GMEB1: variants seen among roughly 807,000 people sequenced by gnomAD.
The protein encoded by GMEB1 is glucocorticoid modulatory element-binding protein 1.
In GMEB1, 6 loss-of-function variants were observed where a neutral mutation model predicts 52.4. The observed-to-expected ratio is 0.11, with a 90% CI of 0.06 to 0.23. GMEB1 has a LOEUF of 0.23. Among genes scored for constraint, GMEB1 ranks in the 10% least tolerant of loss-of-function variants. GMEB1 has a pLI of 1.00. For synonymous variants in GMEB1, 255 were observed against 244.9 expected (o/e 1.04, Z -0.38); for missense variants, 486 against 685.6 (o/e 0.71, Z 3.25).
At chr1:28,705,102 A>C (rs1042390412) in intron 8 of GMEB1, among the ~76,000 whole-genome samples, 75 of 150,260 alleles carry the variant, frequency 5.0e-4, no homozygotes, top group African/African-American at 1.1e-3. Context: ...AAAAAAAAAA[A>C]CACAGGCCAG....
intron 8 of GMEB1, among the ~76,000 whole-genome samples, chr1:28,706,522 T>G (rs1281270947): frequency 1.3e-5 from 2 of 151,026 alleles, no homozygotes; most frequent in African/African-American, 2.4e-5. Flanking sequence ...GAGAATCGCT[T>G]GAACCCGGCA....
intron 5 of GMEB1, among the ~76,000 whole-genome samples, chr1:28,696,365 C>T (rs1189540576): frequency 6.6e-6 from 1 of 152,084 alleles, no homozygotes; most frequent in Non-Finnish European, 1.5e-5. Context: ...CTGCACCTGG[C>T]TGAGGAATAC....
chr1:28,673,263 CGTTT>C lies in GMEB1; in HGVS notation c.-31+4433_-31+4436del, dbSNP rs377053798. Among the ~76,000 whole-genome samples, 402 of 150,156 alleles carry C rather than the reference CGTTT, an allele frequency of 2.7e-3. 2 individuals are homozygous for C. Among genetic ancestry groups the C allele is most frequent in the African/African-American group, 9.2e-3 (378 of 40,902 alleles). ...AATCATGTGACACTTGTCCATTTTTCGTTTGTTTGTTTTTTTGAGATGGAGTTTC... is the reference window on the plus strand; with the variant it reads ...AATCATGTGACACTTGTCCATTTTTCGTTTGTTTTTTTGAGATGGAGTTTC... On this transcript the variant is annotated intron_variant, in intron 1 of 9. Coordinates refer to ENST00000373816, the MANE Select transcript of GMEB1 (RefSeq NM_001319674.2).
intron 5 of GMEB1, among the ~76,000 whole-genome samples, chr1:28,694,190 A>ATTT (rs569803893): frequency 2.2e-5 from 3 of 136,808 alleles, no homozygotes; most frequent in Non-Finnish European, 3.2e-5. Context: ...GTGTTGTAGG[A>ATTT]TTTTTTTTTT....
intron 1 of GMEB1, among the ~76,000 whole-genome samples, chr1:28,672,197 T>TTTTTTTTATTTA (rs1553134141): frequency 1.5e-5 from 2 of 136,038 alleles, no homozygotes; most frequent in Non-Finnish European, 3.1e-5. Context: ...TAACTTTTAT[T>TTTTTTTTATTTA]TTTATTTATT....
In GMEB1 at chr1:28,714,486, A is replaced by T. The variant is rs1421964192; in HGVS notation, c.1405A>T (p.Met469Leu). Residue 469 changes from methionine to leucine, a missense_variant, in exon 10 of 10, where the codon ATG (methionine) becomes TTG (leucine). Transcript: ENST00000373816. ...SSLALLSSTA[M>L]QDGSTLGNMT... ...CTTGGCGCTGCTGAGCTCTACTGCC[A>T]TGCAGGATGGGAGTACACTGGGCAA... The T allele has an allele frequency of 6.2e-7, 1 of 1,614,110 alleles. No individual in the cohort carries two copies. Among genetic ancestry groups the T allele is most frequent in the Non-Finnish European group, 8.5e-7 (1 of 1,180,050 alleles).
rs561899434 is a variant in GMEB1 at position 28,672,034 on chromosome 1, C to T, written c.-31+3195C>T. 3.0e-4 allele frequency among the ~76,000 whole-genome samples: 46 copies of T among 150,954 alleles called. No individual in the cohort carries two copies. The South Asian group carries it at 9.2e-3, about 30-fold the overall frequency. The stretch of plus-strand genomic sequence containing the variant: ...TTGGGAGGCAGGAGAATTGCTTGAA[C>T]TTGGGAGGCGGAAGTTGCAGTGAGC... On this transcript the variant is annotated intron_variant, in intron 1 of 9. Coordinates refer to ENST00000373816, the MANE Select transcript of GMEB1 (RefSeq NM_001319674.2).
chr1:28,678,856 G>C (rs909722346), intron 1 of GMEB1, among the ~76,000 whole-genome samples: 3 of 152,080 alleles, frequency 2.0e-5, no homozygotes, highest in African/African-American at 7.2e-5. Flanking sequence ...CAAAGTGCTA[G>C]GTATCAGCCA....
At chr1:28,709,997 A>G (rs1019911183) in intron 8 of GMEB1, among the ~76,000 whole-genome samples, 1 of 151,992 alleles carries the variant, frequency 6.6e-6, no homozygotes. Context: ...AACTACAAAA[A>G]TTAGGCAGGC....
intron 2 of GMEB1, among the ~76,000 whole-genome samples, chr1:28,687,350 ACACACACACACACACACACAC>A (rs1669696568): frequency 2.3e-5 from 1 of 44,070 alleles, no homozygotes; most frequent in African/African-American, 9.1e-5. Flanking sequence ...ACACACACAC[ACACACACACACACACACACAC>A]ACACACACAC....
chr1:28,704,595 C>G (rs1670658232), intron 8 of GMEB1, among the ~76,000 whole-genome samples: 1 of 151,838 alleles, frequency 6.6e-6, no homozygotes, highest in South Asian at 2.1e-4. Context: ...GATGCTTTGT[C>G]TCCACAAAAA....
At chr1:28,710,244 A>G (rs892629602) in intron 8 of GMEB1, among the ~76,000 whole-genome samples, 9 of 152,152 alleles carry the variant, frequency 5.9e-5, no homozygotes, top group Non-Finnish European at 1.0e-4. Flanking sequence ...GCCTCAAGCA[A>G]TGCTCCCGCC....
At chr1:28,697,145 T>G in intron 6 of GMEB1, 61 bp downstream of exon 6, 10 of 733,900 alleles carry the variant, frequency 1.4e-5, no homozygotes, top group Non-Finnish European at 2.1e-5. Flanking sequence ...TTCCCCCTTA[T>G]TTCTCCCTTG....
intron 6 of GMEB1, among the ~76,000 whole-genome samples, chr1:28,701,236 G>T (rs1197043055): frequency 7.2e-6 from 1 of 139,752 alleles, no homozygotes; most frequent in Non-Finnish European, 1.6e-5. Flanking sequence ...GATCAGTTTG[G>T]TTTTTCTTGA....
chr1:28,704,698 T>C (rs1375647424), intron 8 of GMEB1, among the ~76,000 whole-genome samples: 1 of 151,902 alleles, frequency 6.6e-6, no homozygotes, highest in Non-Finnish European at 1.5e-5. Context: ...CTCCGCCTCC[T>C]GGGTTTTAAG....
At chr1:28,671,224 T>C (rs1023289590) in intron 1 of GMEB1, among the ~76,000 whole-genome samples, 1 of 152,162 alleles carries the variant, frequency 6.6e-6, no homozygotes, top group Non-Finnish European at 1.5e-5. Context: ...CTTGGATTTT[T>C]CCCCCCGTTT....
At chr1:28,698,378 A>C (rs1670328133) in intron 6 of GMEB1, among the ~76,000 whole-genome samples, 1 of 146,494 alleles carries the variant, frequency 6.8e-6, no homozygotes, top group South Asian at 2.1e-4. Flanking sequence ...CTCCGTCTTA[A>C]AAAAAAAAAA....
intron 1 of GMEB1, among the ~76,000 whole-genome samples, chr1:28,675,169 T>C (rs547149346): frequency 6.5e-4 from 99 of 151,366 alleles, no homozygotes; most frequent in African/African-American, 2.2e-3. Context: ...AGGCGTGCGC[T>C]ACCACGCTGA....
At chr1:28,708,416 G>A (rs1161363827) in intron 8 of GMEB1, among the ~76,000 whole-genome samples, 4 of 146,620 alleles carry the variant, frequency 2.7e-5, no homozygotes, top group Non-Finnish European at 4.5e-5. Flanking sequence ...CACCCACCTC[G>A]GCCTCCCAAA....
Sources: allele counts gnomAD v4.1 joint callset (sites outside exome capture counted in the v4.1 genomes callset), GRCh38; gene constraint gnomAD v4.1.1; transcripts MANE v1.5; gene names NCBI Gene and HGNC (gene_info 2026-07-23, HGNC 2026-07-21).